Variants in RASA2 observed in about 807,000 individuals in gnomAD.
The protein encoded by RASA2 is ras GTPase-activating protein 2.
A neutral mutation model predicts 118.2 loss-of-function variants in RASA2; 155 were observed. The ratio of observed to expected loss-of-function variants is 1.31; its 90% CI spans 1.15 to 1.50. The LOEUF (loss-of-function observed/expected upper bound fraction) is 1.50, where lower values mean the gene tolerates loss of function less well. RASA2 is among the 40% of genes most tolerant of loss of function. The pLI is 0.00. For synonymous variants in RASA2, 353 were observed against 349.1 expected, an observed-to-expected ratio of 1.01 and a Z score of -0.12; for missense variants, 1,016 against 1,009.6, an observed-to-expected ratio of 1.01 and a Z score of -0.09.
At chr3:141,558,829 C>A in intron 7 of RASA2, 57 bp from the exon 8 acceptor site, 2 of 1,284,484 alleles carry the variant, frequency 1.6e-6, no homozygotes, top group Non-Finnish European at 2.2e-6. Context: ...CATTTTTAAG[C>A]TGTAGGAAAA....
intron 4 of RASA2, among the ~76,000 whole-genome samples, chr3:141,537,745 C>T (rs1197935162): frequency 6.6e-6 from 1 of 151,908 alleles, no homozygotes; most frequent in Admixed American, 6.6e-5. Flanking sequence ...CTCTGGCCTG[C>T]GTGACAGAGC....
intron 6 of RASA2, among the ~76,000 whole-genome samples, chr3:141,554,840 G>A (rs1034572154): frequency 2.6e-5 from 4 of 152,134 alleles, no homozygotes; most frequent in Non-Finnish European, 5.9e-5. Flanking sequence ...TGCTATTAGA[G>A]AGATTTATTT....
rs764977591 is a variant in RASA2 at position 141,576,994 on chromosome 3, C to A, written c.1484-6C>A. Reference sequence around the variant, plus strand: ...TGCATGACATTTCACCATTTTTTTCCTGCAGATGACCCTCATGTTCAGTAT... The same window carrying A: ...TGCATGACATTTCACCATTTTTTTCATGCAGATGACCCTCATGTTCAGTAT... On this transcript the variant is annotated splice_polypyrimidine_tract_variant and splice_region_variant and intron_variant, in intron 14 of 23. Transcript: ENST00000286364. 1 of 1,552,350 alleles carries A rather than the reference C, an allele frequency of 6.4e-7. No individual in the cohort carries two copies. The highest frequency in any genetic ancestry group is 8.7e-7 in the Non-Finnish European group (1 of 1,147,764).
chr3:141,599,347 A>G (rs2083427492), intron 19 of RASA2, among the ~76,000 whole-genome samples: 1 of 151,898 alleles, frequency 6.6e-6, no homozygotes, highest in African/African-American at 2.4e-5. Flanking sequence ...ACTACAGTCA[A>G]TGATTAGCAA....
chr3:141,487,388 G>A (rs1430138710), intron 1 of RASA2, among the ~76,000 whole-genome samples, 172 bp downstream of exon 1: 1 of 151,508 alleles, frequency 6.6e-6, no homozygotes, highest in African/African-American at 2.4e-5. Context: ...GGGCGGCGTC[G>A]CCTCGACGGG....
intron 2 of RASA2, among the ~76,000 whole-genome samples, chr3:141,513,402 T>G (rs1299118496): frequency 6.6e-6 from 1 of 152,166 alleles, no homozygotes; most frequent in East Asian, 1.9e-4. Context: ...AATTCTCATA[T>G]TGTTCTTATT....
chr3:141,573,101 C>A, intron 12 of RASA2, 46 bp from the exon 13 acceptor site: 1 of 1,445,692 alleles, frequency 6.9e-7, no homozygotes, highest in South Asian at 1.3e-5. Context: ...TTCATTTTGT[C>A]AGACTACTTA....
At chr3:141,570,104 T>A (rs947408577) in intron 9 of RASA2, among the ~76,000 whole-genome samples, 4 of 151,154 alleles carry the variant, frequency 2.6e-5, no homozygotes, top group Admixed American at 6.6e-5. Context: ...TTTTTTTTTT[T>A]AAACTCTTAG....
chr3:141,553,847 T>G lies in RASA2; in HGVS notation c.528-10T>G. 1 of 1,603,766 alleles carries G rather than the reference T, an allele frequency of 6.2e-7. No homozygotes were observed. The highest frequency in any genetic ancestry group is 1.7e-5 in the Admixed American group (1 of 57,372). ...ATCTAATATGTTAAATCTCTTTTAT[T>G]CTACCTTAGCATCAAGGCATGCCAT... On this transcript the variant is annotated splice_polypyrimidine_tract_variant and intron_variant, in intron 5 of 23. Coordinates refer to ENST00000286364, the MANE Select transcript of RASA2 (RefSeq NM_006506.5).
intron 3 of RASA2, among the ~76,000 whole-genome samples, chr3:141,520,341 G>A (rs2082093066): frequency 6.6e-6 from 1 of 152,100 alleles, no homozygotes; most frequent in South Asian, 2.1e-4. Flanking sequence ...GACAGGGATT[G>A]GCAGAAGCAG....
At position 141,614,892 on chromosome 3, in the gene RASA2, G is replaced by A. The variant is rs1364323678; in HGVS notation, c.*2579G>A. ...TTTTTATGAAACAAAAAAAGGTGAC[G>A]AATAATATGGCTTTTGTTTCTGTTT... On this transcript the variant is annotated 3_prime_UTR_variant, in exon 24 of 24. Coordinates refer to ENST00000286364, the MANE Select transcript of RASA2 (RefSeq NM_006506.5). 6.6e-6 allele frequency: 1 copy of A among 152,116 alleles called. No individual in the cohort carries two copies. Among genetic ancestry groups the A allele is most frequent in the Non-Finnish European group, 1.5e-5 (1 of 68,008 alleles). The allele number at this position is 152,116 out of a possible 1,614,324, so 9.4% of individuals were successfully genotyped here. A position where few individuals can be genotyped will look rare whatever the true frequency, so the allele number is the denominator to read the frequency against.
At chr3:141,607,789 T>C (rs998883976) in intron 20 of RASA2, 29 bp downstream of exon 20, 13 of 1,549,206 alleles carry the variant, frequency 8.4e-6, no homozygotes, top group Non-Finnish European at 1.1e-5. Context: ...TATTTAAAGC[T>C]TTCTGAACTG....
chr3:141,563,081 A>G lies in RASA2; in HGVS notation c.863+3086A>G, dbSNP rs1002991872. 3.3e-5 allele frequency among the ~76,000 whole-genome samples: 5 copies of G among 152,168 alleles called. No individual in the cohort carries two copies. In the East Asian group the frequency reaches 5.8e-4, roughly 18 times the overall value. On this transcript the variant is annotated intron_variant, in intron 9 of 23. Coordinates refer to ENST00000286364, the MANE Select transcript of RASA2 (RefSeq NM_006506.5). ...CCTCAATTTTAATTACACAGACCCT[A>G]TGGTTAGAATTGTTTAAATGCTGAT...
chr3:141,592,853 G>A (rs951785555), intron 19 of RASA2, among the ~76,000 whole-genome samples: 1 of 151,480 alleles, frequency 6.6e-6, no homozygotes, highest in African/African-American at 2.4e-5. Context: ...AGAAAATGAT[G>A]GAGTCAGTAT....
chr3:141,574,424 C>T (rs868372889), intron 14 of RASA2, among the ~76,000 whole-genome samples: 3 of 152,140 alleles, frequency 2.0e-5, no homozygotes, highest in Admixed American at 6.5e-5. Flanking sequence ...CTCCTGAACT[C>T]GTGATCCGCC....
At chr3:141,590,044 A>T (rs901987406) in intron 19 of RASA2, 2 of 441,108 alleles carry the variant, frequency 4.5e-6, no homozygotes, top group Non-Finnish European at 9.0e-6. Context: ...CAAAGCCTGC[A>T]GTTTTAAGCT....
rs138032379 is a variant in RASA2 at position 141,601,644 on chromosome 3, TATG to T, written c.1934-6029_1934-6027del. On this transcript the variant is annotated intron_variant, in intron 19 of 23. Transcript: ENST00000286364. ...TTGTGATTCCTTTTTCTTTTTTTAA[TATG>T]ATGACCATAAAATGTATTACTTGGT... is the stretch of plus-strand genomic sequence containing the variant. 1.4e-3 allele frequency among the ~76,000 whole-genome samples: 219 copies of T among 152,358 alleles called. 7 individuals are homozygous for T. The East Asian group carries it at 0.024, about 17-fold the overall frequency.
chr3:141,606,488 C>T (rs2083551236), intron 19 of RASA2, among the ~76,000 whole-genome samples: 1 of 151,992 alleles, frequency 6.6e-6, no homozygotes, highest in African/African-American at 2.4e-5. Flanking sequence ...TTTGTCTTTC[C>T]AGACCTAAAT....
At chr3:141,516,603 A>T (rs1046770871) in intron 3 of RASA2, among the ~76,000 whole-genome samples, 172 bp downstream of exon 3, 1 of 152,176 alleles carries the variant, frequency 6.6e-6, no homozygotes, top group Non-Finnish European at 1.5e-5. Context: ...TGTTCAGCTT[A>T]TATGACACTT....
Sources: allele counts gnomAD v4.1 joint callset (sites outside exome capture counted in the v4.1 genomes callset), GRCh38; gene constraint gnomAD v4.1.1; transcripts MANE v1.5; gene names NCBI Gene and HGNC (gene_info 2026-07-23, HGNC 2026-07-21).